Variants in FNBP1L observed in about 807,000 individuals in gnomAD.
The protein encoded by FNBP1L is formin binding protein 1 like.
FNBP1L carries 36 observed loss-of-function variants against 91.2 expected under a neutral mutation model. The observed-to-expected ratio is 0.39, with a 90% confidence interval of 0.30 to 0.52. FNBP1L has a LOEUF of 0.52. FNBP1L is among the 20% of genes least tolerant of loss of function. The pLI, the probability that FNBP1L is intolerant of heterozygous loss-of-function variation, is 0.66. For synonymous variants in FNBP1L, 242 were observed against 237.0 expected, an observed-to-expected ratio of 1.02 and a Z score of -0.19; for missense variants, 571 against 732.1, an observed-to-expected ratio of 0.78 and a Z score of 2.54.
intron 1 of FNBP1L, among the ~76,000 whole-genome samples, chr1:93,484,986 C>G (rs1329204491): frequency 6.6e-6 from 1 of 152,046 alleles, no homozygotes; most frequent in Non-Finnish European, 1.5e-5. Context: ...GACACTGTCT[C>G]TACAAATAAA....
intron 2 of FNBP1L, among the ~76,000 whole-genome samples, chr1:93,512,390 A>G (rs1394258150): frequency 4.0e-5 from 6 of 151,666 alleles, no homozygotes; most frequent in Non-Finnish European, 7.4e-5. Flanking sequence ...AAGGATACCC[A>G]GGAATTGAAC....
intron 9 of FNBP1L, among the ~76,000 whole-genome samples, chr1:93,535,225 G>A (rs1671805608): frequency 6.6e-6 from 1 of 152,052 alleles, no homozygotes. Flanking sequence ...AACTAAAATA[G>A]CACTAAAATT....
Position 93,544,169 on chromosome 1 carries a change from G to A in FNBP1L, c.1227G>A (p.Gln409=). 6.2e-7 allele frequency: 1 copy of A among 1,612,216 alleles called. No homozygotes were observed. Among genetic ancestry groups the A allele is most frequent in the Middle Eastern group, 1.7e-4 (1 of 6,054 alleles). ...PPEQRRKKLQ[Q]RIDELNRELQ... is the part of the protein sequence containing the mutation. ...AACAGAGACGTAAAAAACTACAGCA[G>A]CGCATTGATGAACTTAACAGAGAAC... The change falls in exon 12 of 17, where the codon CAG becomes CAA. Residue 409 remains glutamine, a synonymous_variant. Coordinates refer to ENST00000271234, the MANE Select transcript of FNBP1L (RefSeq NM_001164473.3).
intron 2 of FNBP1L, among the ~76,000 whole-genome samples, chr1:93,502,951 A>G (rs1377001335): frequency 2.0e-5 from 3 of 152,198 alleles, no homozygotes; most frequent in Non-Finnish European, 4.4e-5. Flanking sequence ...TCTTTTATCC[A>G]AAGGGAAGAG....
intron 1 of FNBP1L, among the ~76,000 whole-genome samples, chr1:93,495,219 A>C (rs1670224335): frequency 6.6e-6 from 1 of 152,248 alleles, no homozygotes; most frequent in Non-Finnish European, 1.5e-5. Flanking sequence ...TTTGTTGTAC[A>C]GTTTCATTAA....
chr1:93,501,300 C>T (rs1670433861), intron 2 of FNBP1L, among the ~76,000 whole-genome samples: 1 of 151,932 alleles, frequency 6.6e-6, no homozygotes, highest in African/African-American at 2.4e-5. Flanking sequence ...TTTATGTTGC[C>T]ATAACAGAAT....
intron 13 of FNBP1L, 101 bp from the exon 14 acceptor site, chr1:93,547,246 T>G: frequency 1.9e-6 from 2 of 1,047,568 alleles, no homozygotes. Flanking sequence ...CTCTAAGAAT[T>G]ACATAATTAT....
intron 1 of FNBP1L, among the ~76,000 whole-genome samples, chr1:93,452,107 T>C (rs1160321767): frequency 2.0e-5 from 3 of 152,240 alleles, no homozygotes; most frequent in Admixed American, 6.5e-5. Flanking sequence ...TAACACTTTA[T>C]ATAGCACTTA....
chr1:93,515,821 G>A (rs894590640), intron 2 of FNBP1L, among the ~76,000 whole-genome samples: 12 of 151,568 alleles, frequency 7.9e-5, no homozygotes, highest in African/African-American at 2.4e-4. Context: ...GCTAGATGAC[G>A]AGTTAGTGAG....
At chr1:93,526,402 A>G (rs1470258590) in intron 5 of FNBP1L, among the ~76,000 whole-genome samples, 5 of 152,174 alleles carry the variant, frequency 3.3e-5, no homozygotes, top group Non-Finnish European at 7.3e-5. Flanking sequence ...TAAGGTCAGC[A>G]GTAGGCTTAA....
chr1:93,554,439 G>GT lies in FNBP1L; in HGVS notation c.*2024dup, dbSNP rs1239129603. On this transcript the variant is annotated 3_prime_UTR_variant, in exon 17 of 17. Transcript: ENST00000271234. ...TCCTTGATGTGGAATAGTGCAACCT[G>GT]TATATGGGTTATTATAATAGGAAAG... 7.2e-5 allele frequency: 11 copies of GT among 152,722 alleles called. No individual in the cohort carries two copies. Among genetic ancestry groups the GT allele is most frequent in the Non-Finnish European group, 1.5e-4 (10 of 68,032 alleles). The allele number at this position is 152,722 out of a possible 1,614,324, so 9.5% of individuals were successfully genotyped here. A position where few individuals can be genotyped will look rare whatever the true frequency, so the allele number is the denominator to read the frequency against.
intron 1 of FNBP1L, among the ~76,000 whole-genome samples, chr1:93,490,253 A>G (rs534727679): frequency 1.3e-4 from 20 of 152,346 alleles, no homozygotes; most frequent in Middle Eastern, 3.4e-3. Context: ...TCACATTACT[A>G]TACGGTAGAA....
chr1:93,548,720 A>G (rs1462594158), intron 14 of FNBP1L, among the ~76,000 whole-genome samples: 2 of 152,254 alleles, frequency 1.3e-5, no homozygotes, highest in African/African-American at 4.8e-5. Context: ...GTATTCCTGC[A>G]GGTTTCGAGT....
rs1212315165 is a variant in FNBP1L, at chr1:93,486,538, TAGGTG to T, written c.25-12929_25-12925del. 2.0e-5 allele frequency among the ~76,000 whole-genome samples: 3 copies of T among 152,242 alleles called. No individual in the cohort carries two copies. The East Asian group carries it at 5.8e-4, about 29-fold the overall frequency. On this transcript the variant is annotated intron_variant, in intron 1 of 16. Transcript: ENST00000271234. ...CAACAACCCTGTAAGGTAGGCAGCA[TAGGTG>T]TTCTCATTTGACAGTTGAGGAATGT...
In FNBP1L at chr1:93,480,110, T is replaced by C. The variant is rs192753084; in HGVS notation, c.25-19358T>C. On this transcript the variant is annotated intron_variant, in intron 1 of 16. Coordinates refer to ENST00000271234, the MANE Select transcript of FNBP1L (RefSeq NM_001164473.3). Reference sequence around the variant, plus strand: ...CAATTTATGTTCCTCTGCCGCGGCTTCAGCTGGTCCCTCTGTTAGGGGTCC... The same window carrying C: ...CAATTTATGTTCCTCTGCCGCGGCTCCAGCTGGTCCCTCTGTTAGGGGTCC... Among the ~76,000 whole-genome samples, 290 of 152,320 alleles carry C rather than the reference T, an allele frequency of 1.9e-3. 3 individuals carry two copies. Among genetic ancestry groups the C allele is most frequent in the African/African-American group, 6.7e-3 (279 of 41,564 alleles).
intron 5 of FNBP1L, among the ~76,000 whole-genome samples, chr1:93,529,383 C>T (rs868227834): frequency 6.6e-6 from 1 of 151,944 alleles, no homozygotes; most frequent in African/African-American, 2.4e-5. Flanking sequence ...TTACTTAGTG[C>T]GCAGTTCATT....
intron 1 of FNBP1L, among the ~76,000 whole-genome samples, chr1:93,476,416 T>A (rs1268229364): frequency 1.3e-5 from 2 of 152,204 alleles, no homozygotes. Context: ...AACACAGTGC[T>A]TGGCACTGGT....
At position 93,551,456 on chromosome 1, in the gene FNBP1L, C is replaced by G. The variant is rs138621212; in HGVS notation, c.1810+351C>G. ...TTCATGGATAGTAATGCTCTCTGCCCCCTTTACTTCAGAAAACACAGTGAC... is the reference window on the plus strand; with the variant it reads ...TTCATGGATAGTAATGCTCTCTGCCGCCTTTACTTCAGAAAACACAGTGAC... On this transcript the variant is annotated intron_variant, in intron 16 of 16. Coordinates refer to ENST00000271234, the MANE Select transcript of FNBP1L (RefSeq NM_001164473.3). 3.5e-5 allele frequency: 35 copies of G among 993,754 alleles called. No homozygotes were observed. In the East Asian group the frequency reaches 3.5e-3, roughly 101 times the overall value. 61.6% of individuals were successfully genotyped at this position (993,754 alleles called of 1,614,324 possible). A position where few individuals can be genotyped will look rare whatever the true frequency, so the allele number is the denominator to read the frequency against.
intron 2 of FNBP1L, among the ~76,000 whole-genome samples, chr1:93,513,062 C>G (rs994274677): frequency 1.3e-5 from 2 of 151,930 alleles, no homozygotes; most frequent in Non-Finnish European, 1.5e-5. Context: ...ATCAAATAGA[C>G]GCAATAAAAA....
Sources: gnomAD v4.1 joint callset for allele counts (sites outside exome capture counted in the v4.1 genomes callset) on GRCh38, gnomAD v4.1.1 for gene constraint, MANE v1.5 for transcripts, NCBI Gene and HGNC (gene_info 2026-07-23, HGNC 2026-07-21) for gene names.